The following CLVS1 variants were observed in gnomAD, a reference collection of about 807,000 sequenced individuals.
CLVS1 encodes the protein clavesin-1.
In CLVS1, 10 loss-of-function variants were observed where a neutral mutation model predicts 33.1. That is an observed-to-expected ratio of 0.30 (90% confidence interval 0.19 to 0.51). The LOEUF (loss-of-function observed/expected upper bound fraction) is 0.51, where lower values mean the gene tolerates loss of function less well. Ranked by LOEUF, CLVS1 falls within the 20% of genes least tolerant of loss-of-function variation. The probability of loss-of-function intolerance (pLI) is 0.97; values close to 1 mark genes in which losing one functional copy is unlikely to be tolerated. For synonymous variants in CLVS1, 163 were observed against 166.1 expected (o/e 0.98, Z 0.14); for missense variants, 343 against 433.4 (o/e 0.79, Z 1.85).
intron 2 of CLVS1, among the ~76,000 whole-genome samples, chr8:61,196,484 TA>T (rs1304310782): frequency 4.0e-5 from 6 of 151,568 alleles, no homozygotes; most frequent in Non-Finnish European, 8.8e-5. Flanking sequence ...TTGGCTTAAT[TA>T]AAAAAAAATG....
At chr8:61,414,216 A>C (rs1329623442) in intron 3 of CLVS1, among the ~76,000 whole-genome samples, 1 of 152,240 alleles carries the variant, frequency 6.6e-6, no homozygotes, top group Non-Finnish European at 1.5e-5. Context: ...GTATGATAAT[A>C]AAGGCATTCC....
Position 61,412,700 on chromosome 8 carries a change from T to C in CLVS1, c.630+35921T>C, listed in dbSNP as rs575240271. Among the ~76,000 whole-genome samples the C allele has an allele frequency of 2.0e-5, 3 of 152,334 alleles. No homozygotes were observed. In the South Asian group the frequency reaches 6.2e-4, roughly 32 times the overall value. Reference sequence around the variant, plus strand: ...TAACAACAGTCCCAGCAGACACACGTGTTCCAGGAACAACAGGAGCCAGTT... The same window carrying C: ...TAACAACAGTCCCAGCAGACACACGCGTTCCAGGAACAACAGGAGCCAGTT... On this transcript the variant is annotated intron_variant, in intron 3 of 5. Coordinates refer to ENST00000325897, the MANE Select transcript of CLVS1 (RefSeq NM_173519.3).
intron 3 of CLVS1, among the ~76,000 whole-genome samples, chr8:61,441,664 C>T (rs1455798860): frequency 6.6e-6 from 1 of 152,146 alleles, no homozygotes; most frequent in Non-Finnish European, 1.5e-5. Flanking sequence ...GAGCCAACGG[C>T]CACGGGTGAC....
the CLVS1 span, among the ~76,000 whole-genome samples, chr8:61,007,369 T>C: frequency 1.2e-4 from 19 of 152,180 alleles, no homozygotes; most frequent in African/African-American, 2.7e-4. Flanking sequence ...GAAAATAGAA[T>C]TGTGGGAGGG....
intron 3 of CLVS1, among the ~76,000 whole-genome samples, chr8:61,434,656 G>A (rs1469388319): frequency 2.6e-5 from 4 of 152,210 alleles, no homozygotes; most frequent in African/African-American, 9.6e-5. Context: ...AGTTGGTTGA[G>A]TTTATCTGAA....
At chr8:61,067,740 C>T (rs1435317027) in intron 1 of CLVS1, among the ~76,000 whole-genome samples, 1 of 151,850 alleles carries the variant, frequency 6.6e-6, no homozygotes, top group African/African-American at 2.4e-5. Context: ...CCAAATACTA[C>T]ATGTTCTCCC....
intron 2 of CLVS1, among the ~76,000 whole-genome samples, chr8:61,256,847 GT>G (rs1809094285): frequency 6.6e-6 from 1 of 152,192 alleles, no homozygotes; most frequent in Non-Finnish European, 1.5e-5. Flanking sequence ...GCCTTGCCAT[GT>G]CATGCAGAGC....
At position 61,232,040 on chromosome 8, in the gene CLVS1, T is replaced by TTTTG. The variant is rs1554548387; in HGVS notation, c.-151-67634_-151-67633insGTTT. ...AAGTTGTGGTTTTTTTTTTTTTTTT[T>TTTTG]TTTTTTTTTTGTGAGATGGAGTCTC... On this transcript the variant is annotated intron_variant, in intron 2 of 2. Transcript: ENST00000522621. 1.2e-4 allele frequency among the ~76,000 whole-genome samples: 17 copies of TTTTG among 136,432 alleles called. 1 individual carries two copies. In the East Asian group the frequency reaches 3.8e-3, roughly 30 times the overall value. 89.5% of individuals were successfully genotyped at this position (136,432 alleles called of 152,430 possible). A position where few individuals can be genotyped will look rare whatever the true frequency, so the allele number is the denominator to read the frequency against.
chr8:61,025,385 T>C, the CLVS1 span, among the ~76,000 whole-genome samples: 1 of 152,108 alleles, frequency 6.6e-6, no homozygotes, highest in African/African-American at 2.4e-5. Flanking sequence ...CAAGCAAGAG[T>C]CAAAACTAAG....
At chr8:61,003,058 G>A in the CLVS1 span, among the ~76,000 whole-genome samples, 1 of 152,166 alleles carries the variant, frequency 6.6e-6, no homozygotes, top group Non-Finnish European at 1.5e-5. Context: ...CAGTTAAAAG[G>A]CAGACAGATA....
At chr8:61,192,453 C>T (rs1807507090) in intron 2 of CLVS1, among the ~76,000 whole-genome samples, 1 of 150,798 alleles carries the variant, frequency 6.6e-6, no homozygotes, top group Admixed American at 6.7e-5. Flanking sequence ...ACCATTCAGG[C>T]CAGAGGCATG....
chr8:60,981,535 T>A, the CLVS1 span, among the ~76,000 whole-genome samples: 1 of 152,228 alleles, frequency 6.6e-6, no homozygotes, highest in Non-Finnish European at 1.5e-5. Context: ...TCATACTCGC[T>A]GTTGCTTTGC....
intron 2 of CLVS1, among the ~76,000 whole-genome samples, chr8:61,181,180 T>C (rs1233046935): frequency 2.0e-5 from 3 of 152,120 alleles, no homozygotes; most frequent in African/African-American, 4.8e-5. Context: ...AGTATTCCTA[T>C]ACACCAACAA....
At chr8:61,141,927 T>C (rs1217686371) in intron 2 of CLVS1, among the ~76,000 whole-genome samples, 2 of 152,244 alleles carry the variant, frequency 1.3e-5, no homozygotes, top group African/African-American at 4.8e-5. Flanking sequence ...TCTGAAATAC[T>C]CCAGATTTGT....
At chr8:61,098,589 T>C (rs537912653) in intron 1 of CLVS1, among the ~76,000 whole-genome samples, 1 of 152,278 alleles carries the variant, frequency 6.6e-6, no homozygotes, top group African/African-American at 2.4e-5. Flanking sequence ...TCTTCAAGCA[T>C]TATTAGCTCA....
At chr8:61,257,604 A>C (rs1042900946) in intron 2 of CLVS1, among the ~76,000 whole-genome samples, 1 of 152,218 alleles carries the variant, frequency 6.6e-6, no homozygotes, top group Non-Finnish European at 1.5e-5. Flanking sequence ...TAACCACGTT[A>C]CAGTGGGCTT....
At chr8:61,074,447 AGT>A (rs1491562463) in intron 1 of CLVS1, among the ~76,000 whole-genome samples, 10 of 135,222 alleles carry the variant, frequency 7.4e-5, no homozygotes, top group African/African-American at 2.6e-4. Flanking sequence ...TATATATATA[AGT>A]ATATGTGTAT....
chr8:61,001,995 T>TC, the CLVS1 span, among the ~76,000 whole-genome samples: 1 of 152,160 alleles, frequency 6.6e-6, no homozygotes, highest in African/African-American at 2.4e-5. Flanking sequence ...CTTTTTTTTT[T>TC]TGAGACAGGG....
At chr8:61,150,100 A>AGGTGTGTGTGTGTG (rs1230793902) in intron 2 of CLVS1, among the ~76,000 whole-genome samples, 394 of 35,488 alleles carry the variant, frequency 0.011, 1 homozygote, top group Middle Eastern at 0.056. Flanking sequence ...CATTTGAGAA[A>AGGTGTGTGTGTGTG]GGTGTGTGTG....
Sources: allele counts gnomAD v4.1 joint callset (sites outside exome capture counted in the v4.1 genomes callset), GRCh38; gene constraint gnomAD v4.1.1; transcripts MANE v1.5; gene names NCBI Gene and HGNC (gene_info 2026-07-23, HGNC 2026-07-21).